Variants in ABLIM1 observed in about 807,000 individuals in gnomAD.
ABLIM1 encodes the protein actin binding LIM protein 1.
A neutral mutation model predicts 107.0 loss-of-function variants in ABLIM1; 40 were observed. The ratio of observed to expected loss-of-function variants is 0.37; its 90% CI spans 0.29 to 0.49. ABLIM1 has a LOEUF of 0.49. ABLIM1 is among the 20% of genes least tolerant of loss of function. The pLI is 0.97. For missense variants in ABLIM1, 857 were observed against 1,008.5 expected, an observed-to-expected ratio of 0.85 and a Z score of 2.04; for synonymous variants, 357 against 357.3, an observed-to-expected ratio of 1.00 and a Z score of 0.01.
chr10:114,497,676 T>C (rs1377905445), intron 6 of ABLIM1, among the ~76,000 whole-genome samples: 2 of 99,744 alleles, frequency 2.0e-5, no homozygotes, highest in Admixed American at 1.2e-4. Flanking sequence ...AGCCGGATTC[T>C]GTCTCAAAAA....
chr10:114,738,095 C>T (rs1164234137), intron 1 of ABLIM1, among the ~76,000 whole-genome samples: 1 of 152,176 alleles, frequency 6.6e-6, no homozygotes, highest in Non-Finnish European at 1.5e-5. Context: ...GTCGCCCAGA[C>T]TGGAGTGCAG....
intron 10 of ABLIM1, among the ~76,000 whole-genome samples, chr10:114,471,433 C>A (rs894446562): frequency 2.6e-5 from 4 of 152,222 alleles, no homozygotes; most frequent in Admixed American, 1.3e-4. Flanking sequence ...TGTTCAGGAA[C>A]TTCCCCTCGC....
At chr10:114,534,199 G>A (rs192398624) in intron 6 of ABLIM1, among the ~76,000 whole-genome samples, 267 of 152,272 alleles carry the variant, frequency 1.8e-3, no homozygotes, top group African/African-American at 6.1e-3. Flanking sequence ...TGGGAGCTGG[G>A]AGGGAACAGC....
intron 1 of ABLIM1, among the ~76,000 whole-genome samples, chr10:114,736,017 C>T (rs2082171339): frequency 6.6e-6 from 1 of 152,168 alleles, no homozygotes; most frequent in South Asian, 2.1e-4. Flanking sequence ...CCCACATCAC[C>T]ATTTGTGGAG....
chr10:114,449,786 C>T lies in ABLIM1; in HGVS notation c.1595-1766G>A, dbSNP rs12164769. On this transcript the variant is annotated intron_variant, in intron 14 of 22. Transcript: ENST00000533213. Reference sequence around the variant, plus strand: ...TGATTTAAATCTAGCCTTTCTCAAACGCATCAGGGCACAGACACCAGTTTT... The same window carrying T: ...TGATTTAAATCTAGCCTTTCTCAAATGCATCAGGGCACAGACACCAGTTTT... Among the ~76,000 whole-genome samples, 1,189 of 152,296 alleles carry T rather than the reference C, an allele frequency of 7.8e-3. 12 individuals carry two copies. Among genetic ancestry groups the T allele is most frequent in the African/African-American group, 0.027 (1,131 of 41,538 alleles).
intron 6 of ABLIM1, among the ~76,000 whole-genome samples, chr10:114,511,094 G>A (rs2061793189): frequency 6.6e-6 from 1 of 151,880 alleles, no homozygotes; most frequent in Admixed American, 6.6e-5. Context: ...TTAAGGTAGG[G>A]GTTGTCTTTT....
chr10:114,498,270 T>A (rs2059955941), intron 6 of ABLIM1, among the ~76,000 whole-genome samples: 1 of 152,138 alleles, frequency 6.6e-6, no homozygotes, highest in African/African-American at 2.4e-5. Context: ...CGGTGTGAAA[T>A]CCCATACCCT....
intron 6 of ABLIM1, among the ~76,000 whole-genome samples, chr10:114,517,765 C>T (rs764373760): frequency 8.5e-5 from 13 of 152,090 alleles, no homozygotes; most frequent in Non-Finnish European, 1.8e-4. Flanking sequence ...AAACCTTCCT[C>T]ATCATGCAAA....
chr10:114,502,708 A>G (rs1003543048), intron 6 of ABLIM1, among the ~76,000 whole-genome samples: 11 of 152,002 alleles, frequency 7.2e-5, no homozygotes, highest in Non-Finnish European at 1.5e-5. Flanking sequence ...TGTAGGCCAG[A>G]CTGGTCTCGA....
chr10:114,709,262 C>G (rs1409850590), intron 1 of ABLIM1, among the ~76,000 whole-genome samples: 3 of 152,174 alleles, frequency 2.0e-5, no homozygotes, highest in African/African-American at 7.2e-5. Context: ...GAATGCGTTC[C>G]TTAGCACCCA....
At chr10:114,455,486 T>A (rs930588438) in intron 12 of ABLIM1, among the ~76,000 whole-genome samples, 1 of 152,188 alleles carries the variant, frequency 6.6e-6, no homozygotes, top group African/African-American at 2.4e-5. Context: ...AAAATGAGTA[T>A]AAAAAACACA....
intron 6 of ABLIM1, among the ~76,000 whole-genome samples, chr10:114,515,841 GGAAGCTGGAAGAGGCCA>G (rs757406541): frequency 4.9e-4 from 74 of 152,294 alleles, no homozygotes; most frequent in Non-Finnish European, 6.8e-4. Context: ...CCATAAGCAA[GGAAGCTGGAAGAGGCCA>G]GAAGCTGGAA....
intron 4 of ABLIM1, among the ~76,000 whole-genome samples, chr10:114,563,155 G>A (rs977512954): frequency 4.6e-5 from 7 of 152,372 alleles, no homozygotes; most frequent in African/African-American, 1.7e-4. Flanking sequence ...GTAGCACTTA[G>A]AGCGATATTC....
chr10:114,502,478 C>T (rs906624971), intron 6 of ABLIM1: 1 of 151,902 alleles, frequency 6.6e-6, no homozygotes, highest in Non-Finnish European at 1.5e-5. Context: ...AAGAGGTATG[C>T]CTTTTTAATT....
At chr10:114,590,096 T>C (rs981860074) in intron 2 of ABLIM1, among the ~76,000 whole-genome samples, 1 of 152,198 alleles carries the variant, frequency 6.6e-6, no homozygotes, top group Non-Finnish European at 1.5e-5. Flanking sequence ...TGGGTTACAA[T>C]TGCCTACAAA....
At chr10:114,653,656 G>T (rs2079357090) in intron 1 of ABLIM1, among the ~76,000 whole-genome samples, 1 of 152,220 alleles carries the variant, frequency 6.6e-6, no homozygotes, top group Non-Finnish European at 1.5e-5. Flanking sequence ...GTCAGAAGCT[G>T]CAGAGGCTGT....
At chr10:114,718,051 AAG>A (rs1391876744) in intron 1 of ABLIM1, among the ~76,000 whole-genome samples, 1 of 104,480 alleles carries the variant, frequency 9.6e-6, no homozygotes, top group Non-Finnish European at 2.1e-5. Flanking sequence ...AAGAGAAAGA[AAG>A]AAAGAAAGAA....
intron 1 of ABLIM1, among the ~76,000 whole-genome samples, chr10:114,668,975 T>G (rs1366793244): frequency 6.6e-5 from 10 of 152,358 alleles, no homozygotes; most frequent in Non-Finnish European, 1.0e-4. Flanking sequence ...GTGAACTTCT[T>G]AAAAGCAAAG....
intron 1 of ABLIM1, among the ~76,000 whole-genome samples, chr10:114,646,395 G>T (rs2497697): frequency 0.021 from 3,245 of 152,224 alleles, 102 homozygotes; most frequent in African/African-American, 0.074. Context: ...AATGAATGTT[G>T]ACCCATTAAT....
Sources: allele counts gnomAD v4.1 joint callset (sites outside exome capture counted in the v4.1 genomes callset), GRCh38; gene constraint gnomAD v4.1.1; transcripts MANE v1.5; gene names NCBI Gene and HGNC (gene_info 2026-07-23, HGNC 2026-07-21).